DPYS: variants seen among roughly 807,000 people sequenced by gnomAD.
The protein encoded by DPYS is dihydropyrimidinase.
In DPYS, 39 loss-of-function variants were observed where a neutral mutation model predicts 50.3. The observed-to-expected ratio is 0.78, with a 90% confidence interval of 0.60 to 1.01. DPYS has a LOEUF of 1.01. DPYS is among the 50% of genes least tolerant of loss of function. The pLI, the probability that DPYS is intolerant of heterozygous loss-of-function variation, is 0.00. For missense variants in DPYS, 659 were observed against 680.9 expected (o/e 0.97, Z 0.36); for synonymous variants, 245 against 250.7 (o/e 0.98, Z 0.22).
At chr8:104,395,187 C>G (rs113728366) in intron 7 of DPYS, among the ~76,000 whole-genome samples, 1 of 151,988 alleles carries the variant, frequency 6.6e-6, no homozygotes, top group Non-Finnish European at 1.5e-5. Flanking sequence ...TTGGTAGAGA[C>G]AGGGTTTAGC....
chr8:104,396,429 T>C (rs1811587901), intron 7 of DPYS, among the ~76,000 whole-genome samples: 1 of 152,194 alleles, frequency 6.6e-6, no homozygotes, highest in African/African-American at 2.4e-5. Context: ...GAAGAAATAA[T>C]CTTTATACAC....
At chr8:104,466,142 C>T (rs745456929) in intron 1 of DPYS, among the ~76,000 whole-genome samples, 4 of 152,140 alleles carry the variant, frequency 2.6e-5, no homozygotes, top group Non-Finnish European at 4.4e-5. Flanking sequence ...TTACCTGCTA[C>T]ACTGCTCACT....
At chr8:104,433,488 T>C (rs767027852) in intron 4 of DPYS, among the ~76,000 whole-genome samples, 1 of 152,016 alleles carries the variant, frequency 6.6e-6, no homozygotes, top group Non-Finnish European at 1.5e-5. Flanking sequence ...CAAAAAATTA[T>C]CCAGGTATGA....
Position 104,381,255 on chromosome 8 carries a change from T to G in DPYS, c.1503A>C (p.Lys501Asn). The G allele has an allele frequency of 6.2e-7, 1 of 1,614,174 alleles. No individual in the cohort carries two copies. Among genetic ancestry groups the G allele is most frequent in the Non-Finnish European group, 8.5e-7 (1 of 1,180,020 alleles). Residue 501 changes from lysine (K) to asparagine (N), a missense_variant, in exon 9 of 10, where the codon AAA becomes AAC. Coordinates refer to ENST00000351513, the MANE Select transcript of DPYS (RefSeq NM_001385.3). Reference sequence around the variant, plus strand: ...TGGCATCTTCTTTTGTCACTCTGGATTTCAGTGTGGCGACTTCTCCCTTAT... The same window carrying G: ...TGGCATCTTCTTTTGTCACTCTGGAGTTCAGTGTGGCGACTTCTCCCTTAT... The part of the protein sequence containing the change: ...APYKGEVATL[K>N]SRVTKEDATA...
chr8:104,464,096 C>T (rs1211542925), intron 1 of DPYS, among the ~76,000 whole-genome samples: 1 of 152,098 alleles, frequency 6.6e-6, no homozygotes, highest in Non-Finnish European at 1.5e-5. Context: ...ATATCTCTGA[C>T]CGTATCATTT....
At chr8:104,399,290 C>CAAAAAAAAAAAAAAAAAAACAAAA (rs1811700517) in intron 7 of DPYS, among the ~76,000 whole-genome samples, 1 of 74,924 alleles carries the variant, frequency 1.3e-5, no homozygotes, top group Non-Finnish European at 2.3e-5. Context: ...GACTCCATCT[C>CAAAAAAAAAAAAAAAAAAACAAAA]AAAAAAAAAA....
chr8:104,441,397 C>T (rs1813351146), intron 4 of DPYS, among the ~76,000 whole-genome samples: 1 of 152,138 alleles, frequency 6.6e-6, no homozygotes, highest in Non-Finnish European at 1.5e-5. Context: ...TCTTAATCCC[C>T]ATAGCCTGTG....
At chr8:104,412,223 G>C (rs1172442584) in intron 7 of DPYS, among the ~76,000 whole-genome samples, 2 of 152,176 alleles carry the variant, frequency 1.3e-5, no homozygotes, top group Non-Finnish European at 2.9e-5. Context: ...AGGGATGCAG[G>C]CCACGCTCCT....
chr8:104,428,749 T>C (rs1209646362), intron 5 of DPYS, among the ~76,000 whole-genome samples: 2 of 152,164 alleles, frequency 1.3e-5, no homozygotes, highest in Non-Finnish European at 2.9e-5. Flanking sequence ...GTACGGTCTG[T>C]CATGAAAAAC....
chr8:104,403,233 G>C (rs541945931), intron 7 of DPYS, among the ~76,000 whole-genome samples: 2 of 152,112 alleles, frequency 1.3e-5, no homozygotes, highest in African/African-American at 2.4e-5. Context: ...GCTCCTGATC[G>C]GGTATTCCTG....
At chr8:104,392,251 G>C (rs563389119) in intron 8 of DPYS, among the ~76,000 whole-genome samples, 1 of 152,278 alleles carries the variant, frequency 6.6e-6, no homozygotes, top group South Asian at 2.1e-4. Flanking sequence ...GACTGGGCCT[G>C]GCCTGTAGCT....
chr8:104,440,034 C>A (rs1813290877), intron 4 of DPYS, among the ~76,000 whole-genome samples: 1 of 152,028 alleles, frequency 6.6e-6, no homozygotes, highest in Non-Finnish European at 1.5e-5. Context: ...GAGCATGAAG[C>A]ATTATTATGA....
chr8:104,384,357 G>T (rs1035850707), intron 8 of DPYS, among the ~76,000 whole-genome samples: 13 of 152,132 alleles, frequency 8.5e-5, no homozygotes, highest in African/African-American at 2.9e-4. Context: ...TCTTTGTGCT[G>T]TCTGTCACTT....
At chr8:104,454,035 G>A (rs947249675) in intron 1 of DPYS, among the ~76,000 whole-genome samples, 6 of 152,198 alleles carry the variant, frequency 3.9e-5, no homozygotes, top group Middle Eastern at 3.2e-3. Flanking sequence ...GGGGCTGGGT[G>A]GGATGAGGAG....
At chr8:104,403,643 C>T (rs1811899936) in intron 7 of DPYS, among the ~76,000 whole-genome samples, 1 of 152,144 alleles carries the variant, frequency 6.6e-6, no homozygotes, top group South Asian at 2.1e-4. Flanking sequence ...AAGAAGATGA[C>T]CTATTTTCCC....
rs185953843 is a variant in DPYS at position 104,383,387 on chromosome 8, C to T, written c.1444-2073G>A. ...TGGAATAATCTGTTCACTCGTCAGT[C>T]TCCCCCAGCAGACAGAGGGCCGGTG... is the stretch of plus-strand genomic sequence containing the variant. On this transcript the variant is annotated intron_variant, in intron 8 of 9. Coordinates refer to ENST00000351513, the MANE Select transcript of DPYS (RefSeq NM_001385.3). Among the ~76,000 whole-genome samples the T allele has an allele frequency of 5.3e-4, 81 of 152,300 alleles. 1 individual carries two copies. Among genetic ancestry groups the T allele is most frequent in the East Asian group, 4.4e-3 (23 of 5,172 alleles).
At chr8:104,450,270 T>C (rs1486302712) in intron 2 of DPYS, among the ~76,000 whole-genome samples, 1 of 152,138 alleles carries the variant, frequency 6.6e-6, no homozygotes, top group Non-Finnish European at 1.5e-5. Context: ...AATGGCATTT[T>C]TGGAGAAAAA....
At chr8:104,438,311 C>T (rs1157370348) in intron 4 of DPYS, among the ~76,000 whole-genome samples, 1 of 152,144 alleles carries the variant, frequency 6.6e-6, no homozygotes, top group Admixed American at 6.5e-5. Context: ...TAGAACTCTT[C>T]ATGATATGGT....
At chr8:104,456,267 C>A (rs192461080) in intron 1 of DPYS, among the ~76,000 whole-genome samples, 1 of 152,224 alleles carries the variant, frequency 6.6e-6, no homozygotes, top group African/African-American at 2.4e-5. Context: ...AGAATGTATT[C>A]CTGCTATTAA....
Sources: allele counts gnomAD v4.1 joint callset (sites outside exome capture counted in the v4.1 genomes callset), GRCh38; gene constraint gnomAD v4.1.1; transcripts MANE v1.5; gene names NCBI Gene and HGNC (gene_info 2026-07-23, HGNC 2026-07-21).